Variants in SPOCK3 observed in about 807,000 individuals in gnomAD.
The protein encoded by SPOCK3 is SPARC (osteonectin), cwcv and kazal like domains proteoglycan 3.
In SPOCK3, 30 loss-of-function variants were observed where a neutral mutation model predicts 56.6. The observed-to-expected ratio is 0.53, with a 90% CI of 0.40 to 0.72. The LOEUF is 0.72. Among genes scored for constraint, SPOCK3 ranks in the 30% least tolerant of loss-of-function variants. SPOCK3 has a pLI of 0.00. For synonymous variants in SPOCK3, 196 were observed against 183.3 expected, an observed-to-expected ratio of 1.07 and a Z score of -0.56; for missense variants, 527 against 530.0, an observed-to-expected ratio of 0.99 and a Z score of 0.06.
chr4:166,963,736 A>G (rs2150061300), intron 4 of SPOCK3, among the ~76,000 whole-genome samples: 2 of 152,046 alleles, frequency 1.3e-5, no homozygotes, highest in Middle Eastern at 6.8e-3. Context: ...AACATTATTT[A>G]TTTGTCAGTG....
At chr4:166,898,536 A>C (rs1039173960) in intron 5 of SPOCK3, among the ~76,000 whole-genome samples, 2 of 152,134 alleles carry the variant, frequency 1.3e-5, no homozygotes, top group African/African-American at 4.8e-5. Flanking sequence ...TACACTATAA[A>C]AGGTAATAAG....
At chr4:167,114,715 G>A (rs1008150311) in intron 2 of SPOCK3, among the ~76,000 whole-genome samples, 2 of 152,108 alleles carry the variant, frequency 1.3e-5, no homozygotes, top group Admixed American at 1.3e-4. Context: ...ATAACTCTGA[G>A]TAATGCAGAA....
chr4:166,974,672 GTTTACAAA>G (rs1312382903), intron 4 of SPOCK3, among the ~76,000 whole-genome samples: 1 of 152,000 alleles, frequency 6.6e-6, no homozygotes, highest in Non-Finnish European at 1.5e-5. Context: ...TTTTTGTCAA[GTTTACAAA>G]TGATTTGCAC....
chr4:166,987,182 C>G (rs935305477), intron 4 of SPOCK3, among the ~76,000 whole-genome samples: 1 of 152,130 alleles, frequency 6.6e-6, no homozygotes, highest in Non-Finnish European at 1.5e-5. Context: ...TCTTACTTCT[C>G]TTATGACCAC....
intron 2 of SPOCK3, among the ~76,000 whole-genome samples, chr4:167,081,766 C>T (rs115873968): frequency 0.024 from 3,641 of 152,000 alleles, 63 homozygotes; most frequent in South Asian, 0.046. Flanking sequence ...GCAAAATCTA[C>T]AGCTAATATG....
intron 2 of SPOCK3, among the ~76,000 whole-genome samples, chr4:167,130,876 C>G (rs1762650431): frequency 6.6e-6 from 1 of 152,032 alleles, no homozygotes; most frequent in Non-Finnish European, 1.5e-5. Flanking sequence ...AAAATATGAT[C>G]TTTACTTAAA....
At chr4:167,042,945 GT>G (rs1299857179) in intron 3 of SPOCK3, among the ~76,000 whole-genome samples, 1 of 152,088 alleles carries the variant, frequency 6.6e-6, no homozygotes, top group African/African-American at 2.4e-5. Context: ...AGATTATCCT[GT>G]TTTTTAAGAG....
intron 2 of SPOCK3, among the ~76,000 whole-genome samples, chr4:167,128,465 A>T (rs1276818163): frequency 6.6e-6 from 1 of 152,080 alleles, no homozygotes; most frequent in Non-Finnish European, 1.5e-5. Context: ...CTTCTTCTCA[A>T]TATTTATCTC....
intron 6 of SPOCK3, among the ~76,000 whole-genome samples, chr4:166,829,188 T>C (rs59703874): frequency 0.041 from 6,272 of 152,100 alleles, 426 homozygotes; most frequent in African/African-American, 0.14. Flanking sequence ...GATTATAAAG[T>C]ATACATAACA....
At chr4:167,072,300 T>C (rs1261697515) in intron 2 of SPOCK3, among the ~76,000 whole-genome samples, 1 of 152,068 alleles carries the variant, frequency 6.6e-6, no homozygotes, top group Non-Finnish European at 1.5e-5. Flanking sequence ...GCCCACAAGT[T>C]GTTTTTGTAA....
chr4:167,089,584 C>A (rs1758523835), intron 2 of SPOCK3, among the ~76,000 whole-genome samples: 1 of 152,074 alleles, frequency 6.6e-6, no homozygotes, highest in South Asian at 2.1e-4. Flanking sequence ...GAATTTTTAA[C>A]CCCACAAATC....
intron 6 of SPOCK3, among the ~76,000 whole-genome samples, chr4:166,869,218 T>C (rs1732198221): frequency 1.3e-5 from 2 of 152,096 alleles, no homozygotes; most frequent in African/African-American, 4.8e-5. Context: ...TTTCACAAAA[T>C]GTAAATTGCT....
At chr4:166,952,358 T>G (rs1264248398) in intron 4 of SPOCK3, among the ~76,000 whole-genome samples, 3 of 152,116 alleles carry the variant, frequency 2.0e-5, no homozygotes, top group Non-Finnish European at 4.4e-5. Flanking sequence ...ATAAAATACC[T>G]AGGAATCCAC....
chr4:167,018,414 G>A (rs1053689712), intron 3 of SPOCK3, among the ~76,000 whole-genome samples: 2 of 151,972 alleles, frequency 1.3e-5, no homozygotes, highest in African/African-American at 4.8e-5. Flanking sequence ...TTCTGGAGTG[G>A]GATGAGGAAA....
At chr4:166,870,944 C>A (rs770678831) in intron 6 of SPOCK3, among the ~76,000 whole-genome samples, 4 of 152,008 alleles carry the variant, frequency 2.6e-5, no homozygotes. Flanking sequence ...TCTGGCATTA[C>A]CCCTGCTCAC....
chr4:166,919,106 C>T (rs149933434), intron 4 of SPOCK3, among the ~76,000 whole-genome samples: 13 of 152,162 alleles, frequency 8.5e-5, no homozygotes, highest in Non-Finnish European at 1.8e-4. Context: ...TATAATTAAG[C>T]CAGTCTCAGG....
chr4:167,164,600 C>A (rs544089258), intron 2 of SPOCK3, among the ~76,000 whole-genome samples: 1 of 150,520 alleles, frequency 6.6e-6, no homozygotes, highest in African/African-American at 2.4e-5. Context: ...TTTCCCCCAA[C>A]CCCCACACAG....
chr4:167,202,400 A>G (rs944885253), intron 2 of SPOCK3, among the ~76,000 whole-genome samples: 8 of 151,966 alleles, frequency 5.3e-5, no homozygotes, highest in African/African-American at 1.9e-4. Context: ...TGTCTACATG[A>G]CAGTTTATGC....
chr4:166,979,940 C>T (rs1746389778), intron 4 of SPOCK3, among the ~76,000 whole-genome samples: 1 of 152,190 alleles, frequency 6.6e-6, no homozygotes, highest in African/African-American at 2.4e-5. Flanking sequence ...TGCTCCCCTT[C>T]CCTTCAGTTC....
Sources: allele counts gnomAD v4.1 joint callset (sites outside exome capture counted in the v4.1 genomes callset), GRCh38; gene constraint gnomAD v4.1.1; transcripts MANE v1.5; gene names NCBI Gene and HGNC (gene_info 2026-07-23, HGNC 2026-07-21).